RASA3: variants seen among roughly 807,000 people sequenced by gnomAD.
The protein encoded by RASA3 is RAS p21 protein activator 3, also known as ras GTPase-activating protein 3.
Under a neutral mutation model 110.0 loss-of-function variants are expected in RASA3, and 73 were observed. That is an observed-to-expected ratio of 0.66 (90% CI 0.55 to 0.81). The LOEUF (loss-of-function observed/expected upper bound fraction) is 0.81, where lower values mean the gene tolerates loss of function less well. Among genes scored for constraint, RASA3 ranks in the 30% least tolerant of loss-of-function variants. The pLI, the probability that RASA3 is intolerant of heterozygous loss-of-function variation, is 0.00. For synonymous variants in RASA3, 500 were observed against 451.4 expected, an observed-to-expected ratio of 1.11 and a Z score of -1.37; for missense variants, 976 against 1,113.2, an observed-to-expected ratio of 0.88 and a Z score of 1.75.
At chr13:113,989,293 AC>A (rs1211322148) in intron 22 of RASA3, among the ~76,000 whole-genome samples, 6 of 133,176 alleles carry the variant, frequency 4.5e-5, no homozygotes, top group Middle Eastern at 5.9e-3. Flanking sequence ...CCGTCCATCC[AC>A]CCATTACTCA....
chr13:114,074,441 G>A (rs1249356456), intron 1 of RASA3, among the ~76,000 whole-genome samples: 2 of 152,226 alleles, frequency 1.3e-5, no homozygotes, highest in Admixed American at 1.3e-4. Flanking sequence ...TGCTGTGGCC[G>A]CTGACTGGAT....
At chr13:114,080,700 A>ACAGGGGTCTCCCCCAGGGGCCACTGAAC in intron 1 of RASA3, among the ~76,000 whole-genome samples, 1 of 152,170 alleles carries the variant, frequency 6.6e-6, no homozygotes, top group Non-Finnish European at 1.5e-5. Flanking sequence ...GGCCACTGAA[A>ACAGGGGTCTCCCCCAGGGGCCACTGAAC]CAGGGGTCTC....
At chr13:113,980,728 A>C (rs943199382) in intron 23 of RASA3, among the ~76,000 whole-genome samples, 31 of 152,230 alleles carry the variant, frequency 2.0e-4, no homozygotes, top group African/African-American at 5.5e-4. Flanking sequence ...TTGCAGGCTC[A>C]GTCCCCTGAG....
rs548221956 is a variant in RASA3, at chr13:114,052,076, C to T, written c.253G>A (p.Val85Ile). 1.6e-5 allele frequency: 26 copies of T among 1,611,032 alleles called. No individual in the cohort carries two copies. The highest frequency in any genetic ancestry group is 1.5e-4 in the Admixed American group (9 of 60,002). ...HLSFYIFDRDVFRRDSIIGKV... is the reference protein window; with the variant it reads ...HLSFYIFDRDIFRRDSIIGKV... ...CCTATGATGGAATCCCTCCGGAAAA[C>T]GTCTCTATCGAAAATGTAGAAGGAC... The change falls in exon 3 of 24, where the codon GTT becomes ATT. Residue 85 changes from valine (V) to isoleucine (I), a missense_variant. Physicochemically the swap from Val to Ile is conservative, Grantham distance 29. Transcript: ENST00000334062.
intron 19 of RASA3, 106 bp downstream of exon 19, chr13:114,000,720 A>C: frequency 2.3e-6 from 2 of 866,912 alleles, no homozygotes; most frequent in Admixed American, 3.7e-5. Context: ...CTCTGCCCGC[A>C]GCACTGAATC....
chr13:114,110,868 G>A (rs2080208513), intron 1 of RASA3, among the ~76,000 whole-genome samples: 2 of 152,226 alleles, frequency 1.3e-5, no homozygotes, highest in African/African-American at 2.4e-5. Context: ...AGAGAGCCAC[G>A]GTGTCCCAGG....
At position 114,013,071 on chromosome 13, in the gene RASA3, G is replaced by A. The variant is rs570280293; in HGVS notation, c.1512+71C>T. ...CACACGGTCGGCCCCCTACAGCCAC[G>A]CAGATGCCCCAACCCAGGCCGGCGT... On this transcript the variant is annotated intron_variant, in intron 15 of 23. Transcript: ENST00000334062. The A allele has an allele frequency of 2.5e-5, 33 of 1,341,538 alleles. No individual in the cohort carries two copies. The South Asian group carries it at 3.7e-4, about 15-fold the overall frequency. The allele number at this position is 1,341,538 out of a possible 1,614,324, so 83.1% of individuals were successfully genotyped here.
intron 19 of RASA3, 37 bp downstream of exon 19, chr13:114,000,789 T>C: frequency 1.4e-6 from 2 of 1,463,074 alleles, no homozygotes; most frequent in Non-Finnish European, 1.9e-6. Context: ...CCCAGCACGC[T>C]CCAGCAAGAG....
chr13:114,039,148 C>G (rs2054341082), intron 4 of RASA3, among the ~76,000 whole-genome samples: 1 of 152,242 alleles, frequency 6.6e-6, no homozygotes. Context: ...TGCACTCAGA[C>G]ACACACTGTG....
At chr13:114,081,176 C>T (rs551109862) in intron 1 of RASA3, among the ~76,000 whole-genome samples, 1 of 145,332 alleles carries the variant, frequency 6.9e-6, no homozygotes, top group African/African-American at 2.7e-5. Flanking sequence ...AATGACCCTC[C>T]TCTCGTGCTT....
At chr13:114,016,872 C>T (rs557580577) in intron 12 of RASA3, among the ~76,000 whole-genome samples, 4 of 152,170 alleles carry the variant, frequency 2.6e-5, no homozygotes, top group Middle Eastern at 3.4e-3. Context: ...ATCAGAGGGT[C>T]GGGTGAGGAC....
At chr13:114,109,027 T>C (rs2139758768) in intron 1 of RASA3, among the ~76,000 whole-genome samples, 1 of 152,202 alleles carries the variant, frequency 6.6e-6, no homozygotes, top group South Asian at 2.1e-4. Context: ...CTCGGCCCCC[T>C]CCACCTGTTT....
intron 21 of RASA3, among the ~76,000 whole-genome samples, chr13:113,993,688 A>G (rs2050386720): frequency 6.6e-6 from 1 of 151,274 alleles, no homozygotes; most frequent in South Asian, 2.1e-4. Context: ...CACACCTATA[A>G]TCCCAGCTGC....
rs144073149 is a variant in RASA3, at chr13:114,114,253, C to T, written c.55+18182G>A. ...GCCCATGTGACGTTAGAAAGGCAAC[C>T]GCAAATTCAGCTGCGGAGTGCAAAA... On this transcript the variant is annotated intron_variant, in intron 1 of 23. Transcript: ENST00000334062. The surrounding 1 kb of genome is among the most constrained non-coding windows in gnomAD (Gnocchi z 4.8). 1.8e-3 allele frequency among the ~76,000 whole-genome samples: 270 copies of T among 152,324 alleles called. 1 individual carries two copies. The highest frequency in any genetic ancestry group is 3.3e-3 in the Non-Finnish European group (226 of 68,030).
chr13:114,071,409 G>A (rs1403647550), intron 2 of RASA3, among the ~76,000 whole-genome samples: 1 of 152,214 alleles, frequency 6.6e-6, no homozygotes, highest in African/African-American at 2.4e-5. Context: ...GATTCAGCGG[G>A]TCTGAGAGGA....
At chr13:114,003,197 C>T (rs1445546385) in intron 18 of RASA3, among the ~76,000 whole-genome samples, 3 of 152,216 alleles carry the variant, frequency 2.0e-5, no homozygotes, top group African/African-American at 7.2e-5. Flanking sequence ...GATCCAGGGG[C>T]TGGAAACTCG....
chr13:114,118,032 A>T (rs2080319339), intron 1 of RASA3, among the ~76,000 whole-genome samples: 1 of 152,086 alleles, frequency 6.6e-6, no homozygotes, highest in South Asian at 2.1e-4. Flanking sequence ...CCGTGAGTGC[A>T]CGGGAACAGC....
intron 5 of RASA3, among the ~76,000 whole-genome samples, chr13:114,028,539 C>T (rs1240378278): frequency 1.4e-5 from 2 of 147,918 alleles, no homozygotes; most frequent in Non-Finnish European, 3.0e-5. Context: ...CCCAGAACCT[C>T]TAAAACAGCG....
At chr13:114,009,193 C>T (rs77908435) in intron 17 of RASA3, among the ~76,000 whole-genome samples, 194 bp downstream of exon 17, 1,774 of 152,326 alleles carry the variant, frequency 0.012, 27 homozygotes, top group African/African-American at 0.041. Context: ...AAAGAGTTTA[C>T]CAACTGTGGG....
Sources: allele counts gnomAD v4.1 joint callset (sites outside exome capture counted in the v4.1 genomes callset), GRCh38; gene constraint gnomAD v4.1.1; non-coding constraint Gnocchi (gnomAD v3.1); transcripts MANE v1.5; gene names NCBI Gene and HGNC (gene_info 2026-07-23, HGNC 2026-07-21).